Variants in ZDHHC21 observed in about 807,000 individuals in gnomAD.
ZDHHC21 encodes the protein palmitoyltransferase ZDHHC21.
ZDHHC21 carries 15 observed loss-of-function variants against 34.6 expected under a neutral mutation model. The ratio of observed to expected loss-of-function variants is 0.43; its 90% CI spans 0.29 to 0.67. ZDHHC21 has a LOEUF of 0.67. Ranked by LOEUF, ZDHHC21 falls within the 30% of genes least tolerant of loss-of-function variation. The probability of loss-of-function intolerance (pLI) is 0.14; values close to 1 mark genes in which losing one functional copy is unlikely to be tolerated. For missense variants in ZDHHC21, 344 were observed against 327.7 expected, an observed-to-expected ratio of 1.05 and a Z score of -0.38; for synonymous variants, 142 against 101.8, an observed-to-expected ratio of 1.40 and a Z score of -2.38.
intron 2 of ZDHHC21, among the ~76,000 whole-genome samples, chr9:14,682,904 C>A (rs1256057853): frequency 2.0e-5 from 3 of 152,172 alleles, no homozygotes; most frequent in Non-Finnish European, 4.4e-5. Context: ...CGAACAACTA[C>A]ATGGAAACTG....
chr9:14,664,519 G>A (rs1048258962), intron 5 of ZDHHC21, among the ~76,000 whole-genome samples: 38 of 151,828 alleles, frequency 2.5e-4, no homozygotes, highest in African/African-American at 9.2e-4. Flanking sequence ...AGCTCAAGGA[G>A]GCCTGCCTGC....
intron 7 of ZDHHC21, among the ~76,000 whole-genome samples, chr9:14,645,401 T>A (rs1830115187): frequency 6.6e-6 from 1 of 152,044 alleles, no homozygotes; most frequent in Non-Finnish European, 1.5e-5. Context: ...TGACTATTCA[T>A]CTATGAAAAA....
At chr9:14,643,191 T>C (rs1050570878) in intron 7 of ZDHHC21, among the ~76,000 whole-genome samples, 13 of 152,234 alleles carry the variant, frequency 8.5e-5, no homozygotes, top group Admixed American at 7.8e-4. Context: ...GAGGTTGCAG[T>C]GAGCCGAGAT....
chr9:14,664,732 G>A (rs1206095496), intron 5 of ZDHHC21, among the ~76,000 whole-genome samples: 2 of 151,966 alleles, frequency 1.3e-5, no homozygotes, highest in African/African-American at 2.4e-5. Context: ...CCCCCAGCAG[G>A]GGCACACTGA....
At chr9:14,607,071 G>T (rs1008873849), downstream of ZDHHC21, among the ~76,000 whole-genome samples, 1 of 115,706 alleles carries the variant, frequency 8.6e-6, no homozygotes, top group Non-Finnish European at 1.7e-5. Flanking sequence ...CCATAGCACT[G>T]TTACTAATAG....
At chr9:14,625,928 C>G (rs955200346) in intron 8 of ZDHHC21, among the ~76,000 whole-genome samples, 1 of 151,734 alleles carries the variant, frequency 6.6e-6, no homozygotes, top group African/African-American at 2.4e-5. Flanking sequence ...CATCATGGAA[C>G]TTACAATCTA....
chr9:14,686,394 G>A (rs2131668190), intron 2 of ZDHHC21, among the ~76,000 whole-genome samples: 1 of 152,114 alleles, frequency 6.6e-6, no homozygotes, highest in African/African-American at 2.4e-5. Flanking sequence ...TCCAAGACAG[G>A]GAACAAAGGC....
At chr9:14,633,020 T>C (rs894941961) in intron 8 of ZDHHC21, among the ~76,000 whole-genome samples, 1 of 152,154 alleles carries the variant, frequency 6.6e-6, no homozygotes, top group Non-Finnish European at 1.5e-5. Context: ...CTTTAAAAGA[T>C]AAATGTAGTT....
At chr9:14,664,598 TA>T (rs1373918977) in intron 5 of ZDHHC21, among the ~76,000 whole-genome samples, 1 of 150,114 alleles carries the variant, frequency 6.7e-6, no homozygotes, top group South Asian at 2.1e-4. Context: ...TCCACAGACT[TA>T]AATGTCCCTG....
At position 14,658,892 on chromosome 9, in the gene ZDHHC21, A is replaced by G; in HGVS notation, c.366-5T>C. ...TCACCAACACAATTGTTAATCCTAA[A>G]GAAAAAAAATGAAAAAGAAACAATA... On this transcript the variant is annotated splice_region_variant and splice_polypyrimidine_tract_variant and intron_variant, in intron 6 of 9. Transcript: ENST00000380916. 6.3e-7 allele frequency: 1 copy of G among 1,597,788 alleles called. No individual in the cohort carries two copies. Among genetic ancestry groups the G allele is most frequent in the Non-Finnish European group, 8.5e-7 (1 of 1,175,508 alleles).
At chr9:14,656,039 T>C (rs1832144385) in intron 7 of ZDHHC21, among the ~76,000 whole-genome samples, 1 of 151,732 alleles carries the variant, frequency 6.6e-6, no homozygotes, top group Non-Finnish European at 1.5e-5. Context: ...TTACTAAGAA[T>C]AAAGAGGCAT....
At chr9:14,619,247 A>C in intron 9 of ZDHHC21, 149 bp from the exon 10 acceptor site, 2 of 909,692 alleles carry the variant, frequency 2.2e-6, no homozygotes, top group East Asian at 5.8e-5. Flanking sequence ...TCATTATGGC[A>C]TGCAGCTGAG....
chr9:14,628,473 T>C (rs1171319609), intron 8 of ZDHHC21, among the ~76,000 whole-genome samples: 1 of 152,182 alleles, frequency 6.6e-6, no homozygotes, highest in Non-Finnish European at 1.5e-5. Flanking sequence ...GCTTGTTTGA[T>C]GTCTAGTAGG....
rs184287584 is a variant in ZDHHC21, at chr9:14,673,346, T to C, written c.155-418A>G. ...TGGGTATCTTCAATATTACTCTGAATTAGTGATGTTCAACTGTCCCTTTTG... is the reference window on the plus strand; with the variant it reads ...TGGGTATCTTCAATATTACTCTGAACTAGTGATGTTCAACTGTCCCTTTTG... On this transcript the variant is annotated intron_variant, in intron 4 of 9. Transcript: ENST00000380916. Among the ~76,000 whole-genome samples the C allele has an allele frequency of 5.9e-5, 9 of 152,170 alleles. No homozygotes were observed. The East Asian group carries it at 1.7e-3, about 29-fold the overall frequency.
intron 3 of ZDHHC21, among the ~76,000 whole-genome samples, chr9:14,679,212 G>T (rs1336611670): frequency 1.3e-5 from 2 of 152,072 alleles, no homozygotes; most frequent in East Asian, 3.9e-4. Flanking sequence ...ATGTAGAGAG[G>T]AAGCATACTG....
chr9:14,608,944 C>T (rs1344936179), downstream of ZDHHC21, among the ~76,000 whole-genome samples: 1 of 152,090 alleles, frequency 6.6e-6, no homozygotes, highest in Non-Finnish European at 1.5e-5. Flanking sequence ...GTAAAGGATA[C>T]ATATTTTAAG....
At chr9:14,603,903 C>T in the ZDHHC21 span, among the ~76,000 whole-genome samples, 2 of 152,128 alleles carry the variant, frequency 1.3e-5, no homozygotes, top group African/African-American at 4.8e-5. Context: ...TAGATGTTGA[C>T]TCATCCCTTG....
intron 7 of ZDHHC21, among the ~76,000 whole-genome samples, chr9:14,648,853 C>A (rs1320003590): frequency 6.6e-6 from 1 of 152,148 alleles, no homozygotes; most frequent in East Asian, 1.9e-4. Flanking sequence ...ATTTTCCTAT[C>A]AATGAGTTTG....
intron 7 of ZDHHC21, 24 bp from the exon 8 acceptor site, chr9:14,640,036 A>G (rs1253099201): frequency 3.4e-6 from 5 of 1,469,582 alleles, no homozygotes; most frequent in Non-Finnish European, 4.7e-6. Flanking sequence ...GAAAGTCTTA[A>G]AAACCATTCA....
Sources: gnomAD v4.1 joint callset for allele counts (sites outside exome capture counted in the v4.1 genomes callset) on GRCh38, gnomAD v4.1.1 for gene constraint, MANE v1.5 for transcripts, NCBI Gene and HGNC (gene_info 2026-07-23, HGNC 2026-07-21) for gene names.